The following RANBP17 variants were observed in gnomAD, a reference collection of about 807,000 sequenced individuals.
The protein encoded by RANBP17 is RAN binding protein 17.
A neutral mutation model predicts 141.2 loss-of-function variants in RANBP17; 158 were observed. That is an observed-to-expected ratio of 1.12 (90% CI 0.98 to 1.28). RANBP17 has a LOEUF of 1.28. RANBP17 is among the 50% of genes most tolerant of loss of function. The probability of loss-of-function intolerance (pLI) is 0.00; values close to 1 mark genes in which losing one functional copy is unlikely to be tolerated. For synonymous variants in RANBP17, 430 were observed against 450.0 expected, an observed-to-expected ratio of 0.96 and a Z score of 0.56; for missense variants, 1,438 against 1,290.7, an observed-to-expected ratio of 1.11 and a Z score of -1.75.
chr5:171,105,367 G>A (rs1027791145), intron 14 of RANBP17, among the ~76,000 whole-genome samples: 4 of 115,422 alleles, frequency 3.5e-5, no homozygotes, highest in African/African-American at 1.4e-4. Context: ...GGGCGACAGA[G>A]CGAGACTCCG....
chr5:171,120,567 GCTCT>G (rs1315123029), intron 14 of RANBP17, among the ~76,000 whole-genome samples: 16 of 152,114 alleles, frequency 1.1e-4, no homozygotes, highest in Admixed American at 8.5e-4. Flanking sequence ...TTCTTTTTAT[GCTCT>G]CTGTCTCTTA....
intron 23 of RANBP17, 111 bp downstream of exon 23, chr5:171,241,253 T>C (rs1007490668): frequency 1.3e-6 from 1 of 786,002 alleles, no homozygotes; most frequent in African/African-American, 1.7e-5. Context: ...CATTTTATGT[T>C]TTAAGACAGC....
At chr5:171,281,757 A>G (rs1232254395) in intron 25 of RANBP17, among the ~76,000 whole-genome samples, 2 of 152,224 alleles carry the variant, frequency 1.3e-5, no homozygotes, top group Non-Finnish European at 2.9e-5. Context: ...AGAGCTAATA[A>G]TAGAATATTA....
At chr5:171,020,517 G>A (rs554278980) in intron 14 of RANBP17, among the ~76,000 whole-genome samples, 68 of 151,926 alleles carry the variant, frequency 4.5e-4, no homozygotes, top group Admixed American at 1.6e-3. Context: ...TTGCCATTAC[G>A]TAATGCCCTT....
At chr5:171,176,550 G>A (rs1760494413) in intron 16 of RANBP17, among the ~76,000 whole-genome samples, 1 of 152,082 alleles carries the variant, frequency 6.6e-6, no homozygotes, top group Non-Finnish European at 1.5e-5. Flanking sequence ...GACACTGATT[G>A]CAAACTTCCT....
intron 14 of RANBP17, among the ~76,000 whole-genome samples, chr5:171,103,385 G>A (rs1218972545): frequency 6.6e-6 from 1 of 152,176 alleles, no homozygotes. Flanking sequence ...ATTCCTGGCA[G>A]CTTTGTTTAC....
intron 14 of RANBP17, among the ~76,000 whole-genome samples, chr5:171,052,610 G>A (rs1221248981): frequency 1.3e-5 from 2 of 152,176 alleles, no homozygotes; most frequent in South Asian, 2.1e-4. Flanking sequence ...TTATCACACG[G>A]TTTTGGTTAC....
At chr5:171,090,445 A>G (rs1449094997) in intron 14 of RANBP17, among the ~76,000 whole-genome samples, 3 of 152,216 alleles carry the variant, frequency 2.0e-5, no homozygotes, top group East Asian at 3.8e-4. Context: ...ATTCAGTTTT[A>G]AAAGGGAAAC....
chr5:171,054,511 G>C (rs1336492044), intron 14 of RANBP17, among the ~76,000 whole-genome samples: 1 of 152,142 alleles, frequency 6.6e-6, no homozygotes, highest in African/African-American at 2.4e-5. Context: ...TAGCATGCTA[G>C]TGCATTATAA....
chr5:171,071,248 A>G (rs1276666703), intron 14 of RANBP17, among the ~76,000 whole-genome samples: 3 of 152,088 alleles, frequency 2.0e-5, no homozygotes, highest in Admixed American at 1.3e-4. Context: ...TATTAGTGCA[A>G]TTGAGCTCAA....
At chr5:171,054,824 T>C (rs1236498004) in intron 14 of RANBP17, among the ~76,000 whole-genome samples, 1 of 152,136 alleles carries the variant, frequency 6.6e-6, no homozygotes, top group East Asian at 1.9e-4. Context: ...TTAAGGGTTG[T>C]AGAGGGACAA....
At chr5:170,906,678 C>T (rs773279819) in intron 5 of RANBP17, among the ~76,000 whole-genome samples, 14 of 151,794 alleles carry the variant, frequency 9.2e-5, no homozygotes, top group Non-Finnish European at 2.1e-4. Flanking sequence ...ACTATGGATT[C>T]CTCGTTTCAT....
intron 25 of RANBP17, among the ~76,000 whole-genome samples, chr5:171,272,417 C>T (rs865967927): frequency 1.3e-5 from 2 of 152,126 alleles, no homozygotes; most frequent in Non-Finnish European, 2.9e-5. Flanking sequence ...CAAGCACTAG[C>T]TTAACTTACT....
intron 14 of RANBP17, among the ~76,000 whole-genome samples, chr5:171,075,110 T>C (rs148398081): frequency 1.3e-5 from 2 of 152,318 alleles, no homozygotes; most frequent in African/African-American, 4.8e-5. Flanking sequence ...AGCTTAGCGT[T>C]CCAATAATGG....
At chr5:171,133,302 G>T (rs1757056433) in intron 14 of RANBP17, among the ~76,000 whole-genome samples, 1 of 152,094 alleles carries the variant, frequency 6.6e-6, no homozygotes, top group Admixed American at 6.6e-5. Context: ...TTGCTGTAAG[G>T]AGATACACAG....
chr5:171,131,979 T>G (rs1409433314), intron 14 of RANBP17, among the ~76,000 whole-genome samples: 1 of 152,212 alleles, frequency 6.6e-6, no homozygotes, highest in Non-Finnish European at 1.5e-5. Context: ...TTGTCATTTA[T>G]CTCTATTAAT....
chr5:171,012,105 CATTTGTTTAAACAAATAATATA>C (rs1385823469), intron 14 of RANBP17, among the ~76,000 whole-genome samples: 2 of 150,798 alleles, frequency 1.3e-5, no homozygotes, highest in South Asian at 2.1e-4. Context: ...ACAAATAATA[CATTTGTTTAAACAAATAATATA>C]ATTTGTTTAA....
At chr5:170,961,469 A>T (rs1020012641) in intron 13 of RANBP17, among the ~76,000 whole-genome samples, 4 of 152,216 alleles carry the variant, frequency 2.6e-5, no homozygotes, top group Non-Finnish European at 5.9e-5. Context: ...TACATGTAGG[A>T]CAATAAATTG....
chr5:171,041,763 G>A (rs1443753944), intron 14 of RANBP17, among the ~76,000 whole-genome samples: 2 of 151,892 alleles, frequency 1.3e-5, no homozygotes, highest in Non-Finnish European at 2.9e-5. Flanking sequence ...TTAAGTTCTG[G>A]GATACATGTG....
Sources: gnomAD v4.1 joint callset for allele counts (sites outside exome capture counted in the v4.1 genomes callset) on GRCh38, gnomAD v4.1.1 for gene constraint, MANE v1.5 for transcripts, NCBI Gene and HGNC (gene_info 2026-07-23, HGNC 2026-07-21) for gene names.